The following RBFOX1 variants were observed in gnomAD, a reference collection of about 807,000 sequenced individuals.
RBFOX1 encodes the protein RNA binding fox-1 homolog 1, also known as RNA binding protein fox-1 homolog 1.
A neutral mutation model predicts 57.7 loss-of-function variants in RBFOX1; 8 were observed. The ratio of observed to expected loss-of-function variants is 0.14; its 90% CI spans 0.08 to 0.25. The LOEUF (loss-of-function observed/expected upper bound fraction) is 0.25. Ranked by LOEUF, RBFOX1 falls within the 10% of genes least tolerant of loss-of-function variation. The probability of loss-of-function intolerance (pLI) is 1.00; values close to 1 mark genes in which losing one functional copy is unlikely to be tolerated. For synonymous variants in RBFOX1, 326 were observed against 222.4 expected (o/e 1.47, Z -4.15); for missense variants, 611 against 548.5 (o/e 1.11, Z -1.14).
At chr16:5,536,322 C>T (rs1212149353) in intron 2 of RBFOX1, among the ~76,000 whole-genome samples, 1 of 148,670 alleles carries the variant, frequency 6.7e-6, no homozygotes, top group Non-Finnish European at 1.5e-5. Context: ...ACAGCCTCCT[C>T]CTGCTGGGTT....
chr16:5,899,131 C>T (rs957384368), intron 4 of RBFOX1, among the ~76,000 whole-genome samples: 6 of 119,738 alleles, frequency 5.0e-5, no homozygotes, highest in East Asian at 2.5e-4. Flanking sequence ...GGAAACAGAG[C>T]GAGACCCTGT....
intron 3 of RBFOX1, among the ~76,000 whole-genome samples, chr16:6,936,981 T>C (rs796735278): frequency 3.4e-5 from 5 of 148,924 alleles, no homozygotes; most frequent in East Asian, 4.1e-4. Flanking sequence ...TTGGGAGATA[T>C]ACCTAATGCT....
At chr16:5,523,333 C>T (rs1454554909) in intron 2 of RBFOX1, among the ~76,000 whole-genome samples, 1 of 151,648 alleles carries the variant, frequency 6.6e-6, no homozygotes. Flanking sequence ...TACCAATTTC[C>T]AGCTGGGCGC....
chr16:6,009,419 G>A (rs955178988), intron 4 of RBFOX1, among the ~76,000 whole-genome samples: 1 of 152,098 alleles, frequency 6.6e-6, no homozygotes, highest in Admixed American at 6.6e-5. Flanking sequence ...TGCCTAATTT[G>A]TTTATTTTTC....
intron 4 of RBFOX1, among the ~76,000 whole-genome samples, chr16:7,115,522 C>G (rs2065703384): frequency 6.6e-6 from 1 of 152,150 alleles, no homozygotes; most frequent in Admixed American, 6.6e-5. Context: ...AAAATAGTGT[C>G]AAGGCTCTCT....
At chr16:5,792,940 T>C (rs933259017) in intron 3 of RBFOX1, among the ~76,000 whole-genome samples, 7 of 152,164 alleles carry the variant, frequency 4.6e-5, no homozygotes, top group Admixed American at 1.3e-4. Context: ...TTGTGTTGGG[T>C]AGGCTGAGTA....
At chr16:6,456,850 A>G (rs2094786450) in intron 2 of RBFOX1, among the ~76,000 whole-genome samples, 1 of 152,214 alleles carries the variant, frequency 6.6e-6, no homozygotes, top group South Asian at 2.1e-4. Flanking sequence ...GGTACCTTCT[A>G]GTTGGATTCA....
At chr16:6,943,061 C>T (rs74537113) in intron 3 of RBFOX1, among the ~76,000 whole-genome samples, 3,693 of 152,260 alleles carry the variant, frequency 0.024, 153 homozygotes, top group African/African-American at 0.081. Context: ...AATGCCTTTA[C>T]GTTAGATGCT....
intron 3 of RBFOX1, among the ~76,000 whole-genome samples, chr16:6,744,124 A>T (rs1027621628): frequency 6.6e-6 from 1 of 152,162 alleles, no homozygotes; most frequent in African/African-American, 2.4e-5. Flanking sequence ...CTAGAGAAAA[A>T]TACATCAGGG....
In RBFOX1 at chr16:6,949,935, G is replaced by GTTT. The variant is rs113719263; in HGVS notation, c.-15-102117_-15-102115dup. On this transcript the variant is annotated intron_variant, in intron 3 of 15. Transcript: ENST00000550418. Reference sequence around the variant, plus strand: ...CGTAGGTAGCTCCTTCCCTGAGTACGTTTTTTTGTTGTTGTTGTTGTTGTT... The same window carrying GTTT: ...CGTAGGTAGCTCCTTCCCTGAGTACGTTTTTTTTTTGTTGTTGTTGTTGTTGTT... 6.1e-3 allele frequency among the ~76,000 whole-genome samples: 893 copies of GTTT among 145,574 alleles called. 12 individuals carry two copies. Among genetic ancestry groups the GTTT allele is most frequent in the African/African-American group, 0.021 (832 of 39,824 alleles).
chr16:6,296,609 A>G (rs749242282), intron 1 of RBFOX1, among the ~76,000 whole-genome samples: 18 of 151,938 alleles, frequency 1.2e-4, no homozygotes, highest in Non-Finnish European at 2.1e-4. Context: ...TTTAGTAGAG[A>G]CGCGGTTTCA....
chr16:5,482,646 G>C (rs2069585626), intron 2 of RBFOX1, among the ~76,000 whole-genome samples: 1 of 152,218 alleles, frequency 6.6e-6, no homozygotes, highest in Non-Finnish European at 1.5e-5. Flanking sequence ...GGAATGTCTT[G>C]ATTGATTAAG....
rs1299003973 is a variant in RBFOX1 at position 7,002,267 on chromosome 16, A to T, written c.-15-49790A>T. Among the ~76,000 whole-genome samples the T allele has an allele frequency of 3.9e-5, 6 of 152,266 alleles. No individual in the cohort carries two copies. In the South Asian group the frequency reaches 1.2e-3, roughly 32 times the overall value. Reference sequence around the variant, plus strand: ...AGCGGTGCATGAAGTTAATCTATCTACTTTGGAACTTTGCAAGCATGTGAG... The same window carrying T: ...AGCGGTGCATGAAGTTAATCTATCTTCTTTGGAACTTTGCAAGCATGTGAG... On this transcript the variant is annotated intron_variant, in intron 3 of 15. Transcript: ENST00000550418.
intron 3 of RBFOX1, among the ~76,000 whole-genome samples, chr16:5,827,819 A>T (rs1445490673): frequency 6.6e-6 from 1 of 151,502 alleles, no homozygotes; most frequent in African/African-American, 2.4e-5. Context: ...TCATCCACTC[A>T]CCCATCCACC....
intron 2 of RBFOX1, among the ~76,000 whole-genome samples, chr16:6,395,484 A>T (rs898030152): frequency 8.6e-5 from 13 of 151,360 alleles, no homozygotes; most frequent in African/African-American, 2.9e-4. Flanking sequence ...GGTTGTTTTG[A>T]CCTTTTTCTC....
chr16:5,459,198 A>G (rs970638115), intron 1 of RBFOX1, among the ~76,000 whole-genome samples: 2 of 152,202 alleles, frequency 1.3e-5, no homozygotes, highest in Non-Finnish European at 2.9e-5. Flanking sequence ...ACATGTGGAC[A>G]TGCATTGGCA....
intron 4 of RBFOX1, among the ~76,000 whole-genome samples, chr16:7,187,409 G>C (rs2084125666): frequency 1.3e-5 from 2 of 152,094 alleles, no homozygotes; most frequent in Non-Finnish European, 2.9e-5. Flanking sequence ...AAAGCCCTTG[G>C]CCAGGCACGG....
intron 1 of RBFOX1, among the ~76,000 whole-genome samples, chr16:5,298,168 T>A (rs1419648158): frequency 6.6e-6 from 1 of 152,224 alleles, no homozygotes; most frequent in African/African-American, 2.4e-5. Context: ...ATTCTGATGG[T>A]TTAAGAAAAT....
At chr16:6,405,492 A>G (rs900285542) in intron 2 of RBFOX1, among the ~76,000 whole-genome samples, 1 of 152,168 alleles carries the variant, frequency 6.6e-6, no homozygotes, top group Admixed American at 6.5e-5. Context: ...CTTTGTCAGC[A>G]TGATGGGAAA....
Sources: gnomAD v4.1 joint callset for allele counts (sites outside exome capture counted in the v4.1 genomes callset) on GRCh38, gnomAD v4.1.1 for gene constraint, MANE v1.5 for transcripts, NCBI Gene and HGNC (gene_info 2026-07-23, HGNC 2026-07-21) for gene names.